The following ZC3H13 variants were observed in gnomAD, a reference collection of about 807,000 sequenced individuals.
ZC3H13 encodes the protein zinc finger CCCH-type containing 13, also known as zinc finger CCCH domain-containing protein 13.
Under a neutral mutation model 204.1 loss-of-function variants are expected in ZC3H13, and 64 were observed. That is an observed-to-expected ratio of 0.31 (90% CI 0.26 to 0.39). ZC3H13 has a LOEUF of 0.39. Ranked by LOEUF, ZC3H13 falls within the 10% of genes least tolerant of loss-of-function variation. The pLI is 1.00. For synonymous variants in ZC3H13, 667 were observed against 693.7 expected (o/e 0.96, Z 0.60); for missense variants, 1,833 against 2,082.7 (o/e 0.88, Z 2.33).
intron 17 of ZC3H13, chr13:45,962,663 AAT>A: frequency 1.0e-6 from 1 of 979,544 alleles, no homozygotes; most frequent in Non-Finnish European, 1.2e-6. Context: ...TGCTTATGCT[AAT>A]AGAGTAAAGG....
chr13:45,975,371 C>T lies in ZC3H13; in HGVS notation c.2380G>A (p.Asp794Asn). The change falls in exon 12 of 19, where the codon GAC becomes AAC. Residue 794 changes from aspartate (D) to asparagine (N), a missense_variant. Coordinates refer to ENST00000679008, the MANE Select transcript of ZC3H13 (RefSeq NM_001330564.2). ...TCTCTGCGGTCATCTCGTCCTTTGTCTTTGTCTTCCCAATCCCTTTGGCGT... is the reference window on the plus strand; with the variant it reads ...TCTCTGCGGTCATCTCGTCCTTTGTTTTTGTCTTCCCAATCCCTTTGGCGT... ...RERQRDWEDK[D>N]KGRDDRREKR... The T allele has an allele frequency of 6.2e-7, 1 of 1,614,018 alleles. No homozygotes were observed. Among genetic ancestry groups the T allele is most frequent in the South Asian group, 1.1e-5 (1 of 91,076 alleles).
chr13:45,980,460 G>C lies in ZC3H13; in HGVS notation c.1721-456C>G, dbSNP rs145814848. Among the ~76,000 whole-genome samples, 481 of 152,274 alleles carry C rather than the reference G, an allele frequency of 3.2e-3. 2 individuals are homozygous for C. The highest frequency in any genetic ancestry group is 0.011 in the African/African-American group (461 of 41,558). On this transcript the variant is annotated intron_variant, in intron 10 of 18. Transcript: ENST00000679008. ...CTGTATGTGAAAATTTTCATTAACA[G>C]ATGTGGGAAACAAATGTTCACAGTG...
intron 11 of ZC3H13, chr13:45,976,153 C>A (rs1953031567): frequency 3.0e-6 from 3 of 984,582 alleles, no homozygotes; most frequent in South Asian, 4.7e-5. Flanking sequence ...ACTGCTCCAA[C>A]CCCACTTTCT....
In ZC3H13 at chr13:45,988,776, A is replaced by G; in HGVS notation, c.1255+11T>C. 6.2e-7 allele frequency: 1 copy of G among 1,601,874 alleles called. No homozygotes were observed. Among genetic ancestry groups the G allele is most frequent in the Non-Finnish European group, 8.5e-7 (1 of 1,172,132 alleles). Reference sequence around the variant, plus strand: ...ATTTTTCAATTAAAAAAATCAAAGTACAGTACACACCTTCCCTCCTTTCAT... The same window carrying G: ...ATTTTTCAATTAAAAAAATCAAAGTGCAGTACACACCTTCCCTCCTTTCAT... On this transcript the variant is annotated intron_variant, in intron 9 of 18. Transcript: ENST00000679008.
chr13:46,039,973 G>A (rs553342166), intron 4 of ZC3H13, among the ~76,000 whole-genome samples: 8 of 152,234 alleles, frequency 5.3e-5, no homozygotes, highest in African/African-American at 1.7e-4. Flanking sequence ...GCAGACCGCT[G>A]AGGCATCTGT....
At chr13:46,010,916 T>C (rs9534280) in intron 6 of ZC3H13, among the ~76,000 whole-genome samples, 66,566 of 151,840 alleles carry the variant, frequency 0.44, 15,056 homozygotes, top group East Asian at 0.54. Flanking sequence ...ATAAAAATAA[T>C]AAAATTATAA....
At chr13:46,028,257 C>T (rs778933327) in intron 4 of ZC3H13, among the ~76,000 whole-genome samples, 44 of 152,218 alleles carry the variant, frequency 2.9e-4, no homozygotes, top group Non-Finnish European at 5.6e-4. Flanking sequence ...ATGATACAGA[C>T]GTCCAGTCTG....
chr13:46,017,573 G>A (rs1352619332), intron 5 of ZC3H13, among the ~76,000 whole-genome samples: 2 of 151,960 alleles, frequency 1.3e-5, no homozygotes, highest in Non-Finnish European at 2.9e-5. Context: ...TTAAATGAAT[G>A]AATACATAAA....
intron 8 of ZC3H13, among the ~76,000 whole-genome samples, chr13:45,994,886 A>G (rs1163667297): frequency 1.3e-5 from 2 of 152,146 alleles, no homozygotes; most frequent in Non-Finnish European, 2.9e-5. Context: ...TCCCAGACAT[A>G]ATACCTTCCC....
chr13:45,986,549 A>T, intron 9 of ZC3H13, among the ~76,000 whole-genome samples: 1 of 152,252 alleles, frequency 6.6e-6, no homozygotes, highest in East Asian at 1.9e-4. Flanking sequence ...AAAGAAATAG[A>T]GGCCCAAAAC....
chr13:46,048,166 T>C (rs1283348189), intron 1 of ZC3H13, among the ~76,000 whole-genome samples: 1 of 152,210 alleles, frequency 6.6e-6, no homozygotes. Flanking sequence ...AGGTATTAAC[T>C]CTACAGTTTC....
intron 3 of ZC3H13, among the ~76,000 whole-genome samples, chr13:46,042,587 T>C (rs1295561480): frequency 6.6e-6 from 1 of 152,104 alleles, no homozygotes; most frequent in African/African-American, 2.4e-5. Flanking sequence ...AAGGAACTAA[T>C]AGCTTGACTT....
chr13:46,025,178 T>C lies in ZC3H13; in HGVS notation c.340-4621A>G, dbSNP rs544379608. Among the ~76,000 whole-genome samples, 7 of 152,372 alleles carry C rather than the reference T, an allele frequency of 4.6e-5. No homozygotes were observed. In the East Asian group the frequency reaches 1.3e-3, roughly 29 times the overall value. ...TCCACTACTAAAGTTATCATTCAAGTAATAATTCCATATTTATTATATTGA... is the reference window on the plus strand; with the variant it reads ...TCCACTACTAAAGTTATCATTCAAGCAATAATTCCATATTTATTATATTGA... On this transcript the variant is annotated intron_variant, in intron 4 of 18. Coordinates refer to ENST00000679008, the MANE Select transcript of ZC3H13 (RefSeq NM_001330564.2).
In ZC3H13 at chr13:45,957,108, A is replaced by T. The variant is rs1182220035; in HGVS notation, c.*19T>A. ...GCTGAAGGAAGACAGTACCAAAAAT[A>T]CCATATTGAACTTCGGTCTTAAGAC... On this transcript the variant is annotated 3_prime_UTR_variant, in exon 19 of 19. Transcript: ENST00000679008. The T allele has an allele frequency of 6.9e-7, 1 of 1,447,016 alleles. No homozygotes were observed. The highest frequency in any genetic ancestry group is 9.2e-7 in the Non-Finnish European group (1 of 1,087,730). 89.6% of individuals were successfully genotyped at this position (1,447,016 alleles called of 1,614,324 possible).
At chr13:46,019,947 G>C (rs1163891259) in intron 5 of ZC3H13, among the ~76,000 whole-genome samples, 1 of 152,094 alleles carries the variant, frequency 6.6e-6, no homozygotes, top group Non-Finnish European at 1.5e-5. Flanking sequence ...GACACAGTGA[G>C]AGCATGTCTC....
intron 5 of ZC3H13, 138 bp from the exon 6 acceptor site, chr13:46,011,692 TA>T: frequency 9.7e-6 from 5 of 514,672 alleles, no homozygotes; most frequent in Non-Finnish European, 1.5e-5. Context: ...TTCTAAAAGA[TA>T]AAAGAAATAG....
chr13:45,977,420 C>T (rs1375375293), intron 11 of ZC3H13, among the ~76,000 whole-genome samples: 1 of 152,048 alleles, frequency 6.6e-6, no homozygotes, highest in Non-Finnish European at 1.5e-5. Flanking sequence ...ATTTTCCCAA[C>T]CAAAATATCA....
At position 45,988,181 on chromosome 13, in the gene ZC3H13, A is replaced by T. The variant is rs77389448; in HGVS notation, c.1255+606T>A. On this transcript the variant is annotated intron_variant, in intron 9 of 18. Coordinates refer to ENST00000679008, the MANE Select transcript of ZC3H13 (RefSeq NM_001330564.2). ...GACATTAACTCAGTGATTGAAAAGG[A>T]TGCTCTAAGAATCAGATGGCCAAAA... Among the ~76,000 whole-genome samples the T allele has an allele frequency of 5.1e-3, 770 of 152,272 alleles. 3 individuals carry two copies. Among genetic ancestry groups the T allele is most frequent in the Non-Finnish European group, 7.0e-3 (478 of 68,018 alleles).
intron 8 of ZC3H13, 146 bp downstream of exon 8, chr13:46,002,987 AATAATT>A (rs1199158457): frequency 1.6e-6 from 1 of 628,436 alleles, no homozygotes; most frequent in African/African-American, 1.9e-5. Flanking sequence ...GACTCATAAT[AATAATT>A]ATTATGGGAA....
Sources: gnomAD v4.1 joint callset for allele counts (sites outside exome capture counted in the v4.1 genomes callset) on GRCh38, gnomAD v4.1.1 for gene constraint, MANE v1.5 for transcripts, NCBI Gene and HGNC (gene_info 2026-07-23, HGNC 2026-07-21) for gene names.